ASTN2: variants seen among roughly 807,000 people sequenced by gnomAD.
ASTN2 encodes astrotactin-2.
A neutral mutation model predicts 139.8 loss-of-function variants in ASTN2; 54 were observed. The observed-to-expected ratio is 0.39, with a 90% confidence interval of 0.31 to 0.48. ASTN2 has a LOEUF of 0.48. Ranked by LOEUF, ASTN2 falls within the 20% of genes least tolerant of loss-of-function variation. The pLI, the probability that ASTN2 is intolerant of heterozygous loss-of-function variation, is 0.95. For missense variants in ASTN2, 1,565 were observed against 1,725.1 expected, an observed-to-expected ratio of 0.91 and a Z score of 1.64; for synonymous variants, 756 against 719.5, an observed-to-expected ratio of 1.05 and a Z score of -0.81.
chr9:117,226,276 G>T (rs568615403), intron 2 of ASTN2, among the ~76,000 whole-genome samples: 53 of 152,152 alleles, frequency 3.5e-4, no homozygotes, highest in Non-Finnish European at 5.9e-4. Flanking sequence ...TTGGGTTTGA[G>T]TACCTGTGCT....
At chr9:117,141,108 C>T (rs574000365) in intron 4 of ASTN2, among the ~76,000 whole-genome samples, 1 of 152,244 alleles carries the variant, frequency 6.6e-6, no homozygotes, top group Non-Finnish European at 1.5e-5. Context: ...TTATACTATC[C>T]ATTCTCATTC....
At chr9:117,296,080 C>A (rs1834725710) in intron 1 of ASTN2, among the ~76,000 whole-genome samples, 1 of 151,704 alleles carries the variant, frequency 6.6e-6, no homozygotes, top group Non-Finnish European at 1.5e-5. Context: ...GAGTTCGAGA[C>A]CAGCCAGGCC....
intron 19 of ASTN2, among the ~76,000 whole-genome samples, chr9:116,518,557 T>A (rs1850742701): frequency 6.6e-6 from 1 of 152,064 alleles, no homozygotes; most frequent in Non-Finnish European, 1.5e-5. Flanking sequence ...TAGAACCTCC[T>A]TAAAGCATAA....
chr9:117,025,137 T>A (rs781296912), intron 6 of ASTN2, among the ~76,000 whole-genome samples: 48 of 152,238 alleles, frequency 3.2e-4, no homozygotes, highest in Non-Finnish European at 6.0e-4. Flanking sequence ...CAAAGGGATT[T>A]AGGCAAAAGG....
chr9:116,648,005 C>CTG (rs1857691407), intron 17 of ASTN2, among the ~76,000 whole-genome samples: 1 of 141,014 alleles, frequency 7.1e-6, no homozygotes, highest in Non-Finnish European at 1.5e-5. Context: ...TTTTTCTTTT[C>CTG]TTTTTTTTTT....
intron 3 of ASTN2, among the ~76,000 whole-genome samples, chr9:117,148,366 T>A (rs1211909530): frequency 1.3e-5 from 2 of 152,216 alleles, no homozygotes; most frequent in Non-Finnish European, 2.9e-5. Flanking sequence ...GAAAGAGTAG[T>A]CATTACTCAT....
chr9:117,205,444 T>G (rs1327355933), intron 3 of ASTN2, among the ~76,000 whole-genome samples: 1 of 152,160 alleles, frequency 6.6e-6, no homozygotes. Flanking sequence ...GAGTGTTACA[T>G]TCCCAGTTTC....
intron 19 of ASTN2, among the ~76,000 whole-genome samples, chr9:116,528,511 C>A (rs62574374): frequency 6.0e-4 from 92 of 152,200 alleles, no homozygotes; most frequent in African/African-American, 2.2e-3. Flanking sequence ...AATTTGCAGA[C>A]TGCCCATGTG....
intron 4 of ASTN2, among the ~76,000 whole-genome samples, chr9:117,118,023 G>GA (rs1241194494): frequency 6.6e-6 from 1 of 151,986 alleles, no homozygotes; most frequent in Non-Finnish European, 1.5e-5. Flanking sequence ...ACCCAACGAG[G>GA]AAAAAAGTGC....
chr9:117,249,610 C>T (rs1156517957), intron 2 of ASTN2, among the ~76,000 whole-genome samples: 2 of 151,974 alleles, frequency 1.3e-5, no homozygotes, highest in Non-Finnish European at 2.9e-5. Flanking sequence ...CTCTCTTCAC[C>T]CACCACCTTC....
chr9:116,951,309 C>T (rs188488307), intron 10 of ASTN2, among the ~76,000 whole-genome samples: 1 of 120,822 alleles, frequency 8.3e-6, no homozygotes, highest in Non-Finnish European at 1.6e-5. Context: ...TGCACTCCAG[C>T]CTGGGCAACA....
At chr9:117,398,350 CA>C (rs1237562938) in intron 1 of ASTN2, among the ~76,000 whole-genome samples, 1 of 152,148 alleles carries the variant, frequency 6.6e-6, no homozygotes, top group Non-Finnish European at 1.5e-5. Flanking sequence ...GTGGTTTGGA[CA>C]TAGTGCCATC....
rs186033172 is a variant in ASTN2 at position 116,764,159 on chromosome 9, G to A, written c.2397-30636C>T. On this transcript the variant is annotated intron_variant, in intron 13 of 22. Transcript: ENST00000313400. ...AGTGTGGCAGAGGCTGTGATGCTCCGGCCAGGTTCCCTTCAAGCGGGGACT... is the reference window on the plus strand; with the variant it reads ...AGTGTGGCAGAGGCTGTGATGCTCCAGCCAGGTTCCCTTCAAGCGGGGACT... Among the ~76,000 whole-genome samples the A allele has an allele frequency of 6.6e-3, 1,002 of 152,266 alleles. 63 individuals carry two copies. In the South Asian group the frequency reaches 0.16, roughly 24 times the overall value.
Position 116,500,791 on chromosome 9 carries a change from C to T in ASTN2, c.3356-13291G>A, listed in dbSNP as rs561834435. ...TAATTTAGATAGTGTATGGGAAGCA[C>T]CTAGCACATTGCCTTGCGTATGGTA... On this transcript the variant is annotated intron_variant, in intron 19 of 22. Coordinates refer to ENST00000313400, the MANE Select transcript of ASTN2 (RefSeq NM_001365068.1). Among the ~76,000 whole-genome samples, 82 of 152,296 alleles carry T rather than the reference C, an allele frequency of 5.4e-4. 1 individual carries two copies. The highest frequency in any genetic ancestry group is 1.9e-3 in the African/African-American group (77 of 41,566).
At chr9:116,492,937 A>G (rs1036628200) in intron 19 of ASTN2, among the ~76,000 whole-genome samples, 4 of 152,118 alleles carry the variant, frequency 2.6e-5, no homozygotes, top group Non-Finnish European at 5.9e-5. Context: ...ATATACTCAC[A>G]CTAACCTTCA....
intron 5 of ASTN2, among the ~76,000 whole-genome samples, chr9:117,094,841 A>G (rs148459253): frequency 2.0e-3 from 308 of 152,346 alleles, no homozygotes; most frequent in Non-Finnish European, 3.3e-3. Context: ...ACCAAAATTC[A>G]TCCACAACCC....
intron 7 of ASTN2, among the ~76,000 whole-genome samples, chr9:117,004,321 A>T (rs1244078700): frequency 6.6e-6 from 1 of 151,978 alleles, no homozygotes; most frequent in Non-Finnish European, 1.5e-5. Flanking sequence ...AGATTTCACT[A>T]TGTTGCCCAG....
chr9:117,095,627 C>T (rs960882051), intron 5 of ASTN2, among the ~76,000 whole-genome samples: 1 of 152,118 alleles, frequency 6.6e-6, no homozygotes, highest in Non-Finnish European at 1.5e-5. Flanking sequence ...CTTTGGCTGC[C>T]GGGAATTTCT....
intron 13 of ASTN2, among the ~76,000 whole-genome samples, chr9:116,738,150 C>T (rs1313819436): frequency 6.7e-6 from 1 of 148,600 alleles, no homozygotes; most frequent in Non-Finnish European, 1.5e-5. Context: ...CGAGATCGCG[C>T]CACTGCACTC....
Sources: gnomAD v4.1 joint callset for allele counts (sites outside exome capture counted in the v4.1 genomes callset) on GRCh38, gnomAD v4.1.1 for gene constraint, MANE v1.5 for transcripts, NCBI Gene and HGNC (gene_info 2026-07-23, HGNC 2026-07-21) for gene names.